Variants in HIGD2B observed in about 807,000 individuals in gnomAD.
HIGD2B encodes the protein HIG1 hypoxia inducible domain family member 2B.
For missense variants in HIGD2B, 106 were observed against 67.0 expected, an observed-to-expected ratio of 1.58 and a Z score of -2.03; for synonymous variants, 45 against 28.1, an observed-to-expected ratio of 1.60 and a Z score of -1.90.
chr15:72,685,892 C>A lies in HIGD2B; in HGVS notation c.-267G>T. The A allele has an allele frequency of 2.1e-6, 1 of 478,252 alleles. No individual in the cohort carries two copies. The highest frequency in any genetic ancestry group is 3.8e-6 in the Non-Finnish European group (1 of 259,928). 29.6% of individuals were successfully genotyped at this position (478,252 alleles called of 1,614,324 possible). ...AATTAAATGCAGATTAGAGTCAGGGCAGGGTAAGGTGGCGGGAGAACTAGG... is the reference window on the plus strand; with the variant it reads ...AATTAAATGCAGATTAGAGTCAGGGAAGGGTAAGGTGGCGGGAGAACTAGG... On this transcript the variant is annotated 5_prime_UTR_variant, in exon 1 of 3. Coordinates refer to ENST00000311755, the MANE Select transcript of HIGD2B (RefSeq NM_001350932.3).
rs1193914503 is a variant in HIGD2B at position 72,676,260 on chromosome 15, A to T, written c.115T>A (p.Phe39Ile). ...GGATTCTCGCGGGTCTTGCGAAGGA[A>T]CTTTTCCTTGAAACCCTCTGGATTG... ...YSNPEGFKEK[F>I]LRKTRENPVV... The change falls in exon 3 of 3, where the codon TTC becomes ATC. Residue 39 changes from phenylalanine to isoleucine, a missense_variant. Phe to Ile is a conservative substitution (Grantham distance 21). Coordinates refer to ENST00000311755, the MANE Select transcript of HIGD2B (RefSeq NM_001350932.3). 2.6e-6 allele frequency: 2 copies of T among 766,934 alleles called. No homozygotes were observed. The highest frequency in any genetic ancestry group is 4.8e-6 in the Non-Finnish European group (2 of 417,818). The allele number at this position is 766,934 out of a possible 1,614,324, so 47.5% of individuals were successfully genotyped here.
At chr15:72,683,280 C>T (rs1220001081) in intron 1 of HIGD2B, among the ~76,000 whole-genome samples, 1 of 152,032 alleles carries the variant, frequency 6.6e-6, no homozygotes, top group East Asian at 1.9e-4. Context: ...TGGGGATTCC[C>T]CACATCAGCA....
intron 2 of HIGD2B, among the ~76,000 whole-genome samples, chr15:72,676,805 G>C (rs2064697519): frequency 6.6e-6 from 1 of 152,182 alleles, no homozygotes; most frequent in African/African-American, 2.4e-5. Context: ...CAGGGGTTAG[G>C]AATGGGGAGG....
chr15:72,676,408 T>G (rs771481698), intron 2 of HIGD2B, 21 bp from the exon 3 acceptor site: 3 of 349,904 alleles, frequency 8.6e-6, no homozygotes, highest in Admixed American at 4.2e-5. Flanking sequence ...AAATCCTTTG[T>G]TTTTTTTTTT....
intron 2 of HIGD2B, among the ~76,000 whole-genome samples, chr15:72,679,039 G>C (rs2064720852): frequency 1.4e-5 from 2 of 148,046 alleles, no homozygotes; most frequent in Admixed American, 1.4e-4. Flanking sequence ...AAGGAAGGAA[G>C]GAAGGAGGGA....
intron 1 of HIGD2B, among the ~76,000 whole-genome samples, chr15:72,681,661 T>C (rs1402719247): frequency 6.8e-6 from 1 of 147,688 alleles, no homozygotes; most frequent in Admixed American, 6.9e-5. Flanking sequence ...TGGAGTGCAG[T>C]GGTGGCGCGA....
intron 2 of HIGD2B, among the ~76,000 whole-genome samples, chr15:72,676,710 C>T (rs1888405647): frequency 6.6e-6 from 1 of 152,126 alleles, no homozygotes; most frequent in South Asian, 2.1e-4. Context: ...CCACCATGCC[C>T]AGCCTACATG....
At chr15:72,684,384 C>A (rs1391724044) in intron 1 of HIGD2B, among the ~76,000 whole-genome samples, 1 of 150,326 alleles carries the variant, frequency 6.7e-6, no homozygotes, top group Non-Finnish European at 1.5e-5. Context: ...TGTGAATTGG[C>A]CTTATGTTCC....
chr15:72,680,752 G>A (rs2064740572), intron 1 of HIGD2B, among the ~76,000 whole-genome samples: 1 of 152,192 alleles, frequency 6.6e-6, no homozygotes, highest in Admixed American at 6.5e-5. Context: ...GCTGGCCGTG[G>A]TGGCAGATGC....
Position 72,675,915 on chromosome 15 carries a change from A to T in HIGD2B, c.*139T>A, listed in dbSNP as rs1417893116. 2 of 585,988 alleles carry T rather than the reference A, an allele frequency of 3.4e-6. No individual in the cohort carries two copies. The highest frequency in any genetic ancestry group is 3.7e-5 in the African/African-American group (2 of 53,690). The allele number at this position is 585,988 out of a possible 1,614,324, so 36.3% of individuals were successfully genotyped here. A position where few individuals can be genotyped will look rare whatever the true frequency, so the allele number is the denominator to read the frequency against. On this transcript the variant is annotated 3_prime_UTR_variant, in exon 3 of 3. Coordinates refer to ENST00000311755, the MANE Select transcript of HIGD2B (RefSeq NM_001350932.3). ...GGATTTTTGAAAAAATCTTTCAGTT[A>T]TGGTTACAGGAAGGGTCACTTCCTC...
intron 1 of HIGD2B, among the ~76,000 whole-genome samples, chr15:72,684,636 G>A (rs1242691529): frequency 1.3e-5 from 2 of 151,982 alleles, no homozygotes; most frequent in African/African-American, 4.8e-5. Flanking sequence ...TACAGGAGCC[G>A]GCCACCACGC....
chr15:72,685,030 G>A (rs1385388430), intron 1 of HIGD2B, among the ~76,000 whole-genome samples: 1 of 152,194 alleles, frequency 6.6e-6, no homozygotes, highest in African/African-American at 2.4e-5. Flanking sequence ...ATGAAAGGCA[G>A]AGTATTTATC....
intron 1 of HIGD2B, among the ~76,000 whole-genome samples, chr15:72,681,992 C>T (rs1430661515): frequency 3.3e-5 from 5 of 152,244 alleles, no homozygotes; most frequent in South Asian, 2.1e-4. Context: ...TGATTATAGA[C>T]GCAAGTCACT....
intron 1 of HIGD2B, chr15:72,682,408 A>C (rs1478069564): frequency 4.6e-6 from 1 of 216,086 alleles, no homozygotes; most frequent in African/African-American, 2.3e-5. Flanking sequence ...ATACCTTATT[A>C]AAACTTCATC....
chr15:72,677,381 A>G (rs549453737), intron 2 of HIGD2B, among the ~76,000 whole-genome samples: 5 of 152,130 alleles, frequency 3.3e-5, no homozygotes, highest in Non-Finnish European at 7.4e-5. Flanking sequence ...AGCTGAGATC[A>G]CACCACTGCC....
In HIGD2B at chr15:72,676,296, T is replaced by C. The variant is rs1189780683; in HGVS notation, c.79A>G (p.Thr27Ala). Residue 27 changes from threonine to alanine, a missense_variant, in exon 3 of 3, where the codon ACT (threonine) becomes GCT (alanine). Thr to Ala is a moderately conservative substitution (Grantham distance 58). Transcript: ENST00000311755. ...AAACCCTCTGGATTGCTGTAAACAG[T>C]GGGGCTAAGCCCCTCAAAGATGGGG... ...KPPIFEGLSP[T>A]VYSNPEGFKE... is the part of the protein sequence containing the mutation. 1 of 763,772 alleles carries C rather than the reference T, an allele frequency of 1.3e-6. No homozygotes were observed. Among genetic ancestry groups the C allele is most frequent in the Admixed American group, 1.7e-5 (1 of 58,300 alleles). The allele number at this position is 763,772 out of a possible 1,614,324, so 47.3% of individuals were successfully genotyped here.
rs780346774 is a variant in HIGD2B at position 72,676,247 on chromosome 15, G to A, written c.128C>T (p.Thr43Ile). The change falls in exon 3 of 3, where the codon ACC (threonine) becomes ATC (isoleucine). Residue 43 changes from threonine to isoleucine, a missense_variant. Thr to Ile is a moderately conservative substitution (Grantham distance 89). Coordinates refer to ENST00000311755, the MANE Select transcript of HIGD2B (RefSeq NM_001350932.3). ...TATGGGTACCACCGGATTCTCGCGG[G>A]TCTTGCGAAGGAACTTTTCCTTGAA... The part of the protein sequence containing the change: ...EGFKEKFLRK[T>I]RENPVVPIGF... 1.3e-6 allele frequency: 1 copy of A among 767,100 alleles called. No individual in the cohort carries two copies. 47.5% of individuals were successfully genotyped at this position (767,100 alleles called of 1,614,324 possible).
At position 72,680,064 on chromosome 15, in the gene HIGD2B, A is replaced by G; in HGVS notation, c.-63T>C. ...GAGTTCTCCCGACGAATGTCTTCAT[A>G]TTCCTCATAGATTCCCTGCTTTTGC... On this transcript the variant is annotated 5_prime_UTR_variant, in exon 2 of 3. Coordinates refer to ENST00000311755, the MANE Select transcript of HIGD2B (RefSeq NM_001350932.3). 1 of 461,984 alleles carries G rather than the reference A, an allele frequency of 2.2e-6. No individual in the cohort carries two copies. The highest frequency in any genetic ancestry group is 3.2e-6 in the Non-Finnish European group (1 of 314,620). 28.6% of individuals were successfully genotyped at this position (461,984 alleles called of 1,614,324 possible).
Position 72,685,934 on chromosome 15 carries a change from C to T in HIGD2B, c.-309G>A. 1 of 539,184 alleles carries T rather than the reference C, an allele frequency of 1.9e-6. No homozygotes were observed. The highest frequency in any genetic ancestry group is 3.4e-6 in the Non-Finnish European group (1 of 298,034). The allele number at this position is 539,184 out of a possible 1,614,324, so 33.4% of individuals were successfully genotyped here. On this transcript the variant is annotated 5_prime_UTR_variant, in exon 1 of 3. Coordinates refer to ENST00000311755, the MANE Select transcript of HIGD2B (RefSeq NM_001350932.3). ...AGAACTAGGCTGCCATCCCAGGTGGCTGGCCTACCAGCCAGCGCGGCCGGA... is the reference window on the plus strand; with the variant it reads ...AGAACTAGGCTGCCATCCCAGGTGGTTGGCCTACCAGCCAGCGCGGCCGGA...
Sources: gnomAD v4.1 joint callset for allele counts (sites outside exome capture counted in the v4.1 genomes callset) on GRCh38, gnomAD v4.1.1 for gene constraint, MANE v1.5 for transcripts, NCBI Gene and HGNC (gene_info 2026-07-23, HGNC 2026-07-21) for gene names.